Variants in SCHIP1 observed in about 807,000 individuals in gnomAD.
SCHIP1 encodes schwannomin-interacting protein 1.
SCHIP1 carries 8 observed loss-of-function variants against 29.7 expected under a neutral mutation model. The observed-to-expected ratio is 0.27, with a 90% CI of 0.16 to 0.49. The LOEUF is 0.49. Among genes scored for constraint, SCHIP1 ranks in the 20% least tolerant of loss-of-function variants. SCHIP1 has a pLI of 0.99. For missense variants in SCHIP1, 193 were observed against 294.6 expected, an observed-to-expected ratio of 0.66 and a Z score of 2.52; for synonymous variants, 76 against 94.9, an observed-to-expected ratio of 0.80 and a Z score of 1.16.
At chr3:159,305,570 T>G in the SCHIP1 span, among the ~76,000 whole-genome samples, 1 of 152,228 alleles carries the variant, frequency 6.6e-6, no homozygotes, top group African/African-American at 2.4e-5. Context: ...CCATCAATAA[T>G]AAGTTCTCTT....
chr3:159,589,340 A>G, the SCHIP1 span, among the ~76,000 whole-genome samples: 1,616 of 152,314 alleles, frequency 0.011, 14 homozygotes, highest in Non-Finnish European at 0.017. Context: ...GAAGTTGCTT[A>G]TCAGCTTAAG....
At chr3:159,297,110 G>A in the SCHIP1 span, among the ~76,000 whole-genome samples, 5 of 145,802 alleles carry the variant, frequency 3.4e-5, no homozygotes, top group African/African-American at 1.3e-4. Context: ...CTTTTTTAAG[G>A]CTGAGTAATA....
At chr3:159,575,525 T>C in the SCHIP1 span, among the ~76,000 whole-genome samples, 2 of 152,156 alleles carry the variant, frequency 1.3e-5, no homozygotes, top group Non-Finnish European at 2.9e-5. Context: ...AGCCTCAATT[T>C]CCCAGGCTCA....
the SCHIP1 span, among the ~76,000 whole-genome samples, chr3:159,735,322 C>T: frequency 4.6e-5 from 7 of 151,858 alleles, no homozygotes; most frequent in East Asian, 3.9e-4. Flanking sequence ...CTCTGCCTCC[C>T]GGGTTCAAGT....
At chr3:159,647,757 C>G in the SCHIP1 span, among the ~76,000 whole-genome samples, 1 of 152,166 alleles carries the variant, frequency 6.6e-6, no homozygotes, top group Non-Finnish European at 1.5e-5. Flanking sequence ...CTTGTGTCTA[C>G]TTGCTGACAG....
the SCHIP1 span, among the ~76,000 whole-genome samples, chr3:159,599,482 A>G: frequency 6.6e-6 from 1 of 152,204 alleles, no homozygotes; most frequent in East Asian, 1.9e-4. Context: ...GCTCCCATTT[A>G]TGACTGAGAA....
chr3:159,492,975 C>G, the SCHIP1 span, among the ~76,000 whole-genome samples: 1 of 152,288 alleles, frequency 6.6e-6, no homozygotes, highest in South Asian at 2.1e-4. Flanking sequence ...GAAGTTTCAA[C>G]CCAGAATTTC....
chr3:159,826,904 C>T, the SCHIP1 span, among the ~76,000 whole-genome samples: 21 of 152,144 alleles, frequency 1.4e-4, no homozygotes, highest in African/African-American at 4.3e-4. Flanking sequence ...GATTTTACTG[C>T]GTATGAATCT....
At chr3:159,444,581 G>A in the SCHIP1 span, among the ~76,000 whole-genome samples, 3 of 152,142 alleles carry the variant, frequency 2.0e-5, no homozygotes, top group Non-Finnish European at 4.4e-5. Flanking sequence ...ATTCAGAGGA[G>A]ATATTCAGCC....
the SCHIP1 span, among the ~76,000 whole-genome samples, chr3:159,793,763 G>A: frequency 6.6e-6 from 1 of 152,150 alleles, no homozygotes; most frequent in African/African-American, 2.4e-5. Context: ...TCACCATGTT[G>A]CCCAGGCTGG....
chr3:159,545,716 A>G, the SCHIP1 span, among the ~76,000 whole-genome samples: 1 of 147,482 alleles, frequency 6.8e-6, no homozygotes, highest in African/African-American at 2.5e-5. Flanking sequence ...TTTGTACAAT[A>G]TATTATATAT....
the SCHIP1 span, among the ~76,000 whole-genome samples, chr3:159,575,265 A>C: frequency 6.6e-6 from 1 of 152,216 alleles, no homozygotes; most frequent in African/African-American, 2.4e-5. Context: ...AGTTTAGACC[A>C]TGTATATTTG....
At chr3:159,709,969 C>G in the SCHIP1 span, among the ~76,000 whole-genome samples, 2 of 152,178 alleles carry the variant, frequency 1.3e-5, no homozygotes, top group Non-Finnish European at 2.9e-5. Flanking sequence ...AAAAGGGAAC[C>G]CTTGCACACT....
At chr3:159,613,548 T>G in the SCHIP1 span, among the ~76,000 whole-genome samples, 5 of 152,236 alleles carry the variant, frequency 3.3e-5, no homozygotes, top group African/African-American at 1.2e-4. Flanking sequence ...TTTCACTAAT[T>G]ACAATTTCCT....
At chr3:159,668,149 C>T in the SCHIP1 span, among the ~76,000 whole-genome samples, 1 of 151,890 alleles carries the variant, frequency 6.6e-6, no homozygotes, top group African/African-American at 2.4e-5. Flanking sequence ...GCAGGTGGAT[C>T]ATGAGGTCAG....
At chr3:159,552,544 T>C in the SCHIP1 span, among the ~76,000 whole-genome samples, 1 of 152,212 alleles carries the variant, frequency 6.6e-6, no homozygotes, top group African/African-American at 2.4e-5. Flanking sequence ...AAGACTATTT[T>C]ACAGAATAAG....
chr3:159,440,766 C>T, the SCHIP1 span, among the ~76,000 whole-genome samples: 1 of 152,292 alleles, frequency 6.6e-6, no homozygotes, highest in South Asian at 2.1e-4. Flanking sequence ...GTAAACCAAC[C>T]TAGCCTTTGT....
At chr3:159,370,309 C>T in the SCHIP1 span, among the ~76,000 whole-genome samples, 1 of 152,154 alleles carries the variant, frequency 6.6e-6, no homozygotes, top group Non-Finnish European at 1.5e-5. Context: ...TCCTTTTCTC[C>T]CCTAGGTATT....
At chr3:159,392,722 T>G in the SCHIP1 span, among the ~76,000 whole-genome samples, 1 of 152,034 alleles carries the variant, frequency 6.6e-6, no homozygotes, top group Non-Finnish European at 1.5e-5. Context: ...TTGTTGGACA[T>G]TTGGGTTGGT....
Sources: allele counts gnomAD v4.1 joint callset (sites outside exome capture counted in the v4.1 genomes callset), GRCh38; gene constraint gnomAD v4.1.1; transcripts MANE v1.5; gene names NCBI Gene and HGNC (gene_info 2026-07-23, HGNC 2026-07-21).